Variants in CTNNBL1 observed in about 807,000 individuals in gnomAD.
The protein encoded by CTNNBL1 is beta-catenin-like protein 1.
In CTNNBL1, 31 loss-of-function variants were observed where a neutral mutation model predicts 72.7. The observed-to-expected ratio is 0.43, with a 90% CI of 0.32 to 0.58. The LOEUF (loss-of-function observed/expected upper bound fraction) is 0.58, where lower values mean the gene tolerates loss of function less well. CTNNBL1 is among the 20% of genes least tolerant of loss of function. The pLI, the probability that CTNNBL1 is intolerant of heterozygous loss-of-function variation, is 0.08. For missense variants in CTNNBL1, 534 were observed against 725.1 expected (o/e 0.74, Z 3.03); for synonymous variants, 240 against 267.3 (o/e 0.90, Z 1.00).
chr20:37,859,773 T>G, intron 13 of CTNNBL1, 126 bp from the exon 14 acceptor site: 3 of 868,310 alleles, frequency 3.5e-6, no homozygotes, highest in Non-Finnish European at 3.5e-6. Context: ...ATCAAAAAGA[T>G]GAGGTGATTT....
intron 5 of CTNNBL1, among the ~76,000 whole-genome samples, chr20:37,760,845 G>A (rs916714934): frequency 6.6e-6 from 1 of 152,324 alleles, no homozygotes; most frequent in East Asian, 1.9e-4. Flanking sequence ...CTACCACACA[G>A]TGAGATGTCT....
At chr20:37,762,663 G>C (rs1271869172) in intron 5 of CTNNBL1, among the ~76,000 whole-genome samples, 1 of 152,144 alleles carries the variant, frequency 6.6e-6, no homozygotes, top group Non-Finnish European at 1.5e-5. Flanking sequence ...TAGACCCAAG[G>C]GGTTAGAGGG....
chr20:37,832,422 A>C (rs1348007332), intron 11 of CTNNBL1: 1 of 152,184 alleles, frequency 6.6e-6, no homozygotes. Context: ...TTGAGTGCCT[A>C]CTATACACAT....
chr20:37,863,429 G>A (rs554318626), intron 15 of CTNNBL1, among the ~76,000 whole-genome samples: 3 of 152,324 alleles, frequency 2.0e-5, no homozygotes, highest in South Asian at 4.1e-4. Context: ...CTAAGCACCC[G>A]TCAAGTTGTG....
At chr20:37,702,686 C>T (rs1282586193) in intron 1 of CTNNBL1, among the ~76,000 whole-genome samples, 1 of 152,036 alleles carries the variant, frequency 6.6e-6, no homozygotes, top group Non-Finnish European at 1.5e-5. Context: ...AGTTCACTTC[C>T]TCCCTCTGCG....
chr20:37,867,470 T>C (rs1176370977), intron 15 of CTNNBL1, among the ~76,000 whole-genome samples: 1 of 152,122 alleles, frequency 6.6e-6, no homozygotes, highest in African/African-American at 2.4e-5. Flanking sequence ...ATAGTAAACC[T>C]GCTGTCTAAA....
chr20:37,713,103 C>T (rs536757356), intron 1 of CTNNBL1, among the ~76,000 whole-genome samples: 34 of 152,312 alleles, frequency 2.2e-4, no homozygotes, highest in East Asian at 1.9e-4. Flanking sequence ...GACAGAAATT[C>T]GTAAGCTTCA....
At chr20:37,708,788 T>G (rs1467147271) in intron 1 of CTNNBL1, among the ~76,000 whole-genome samples, 2 of 152,194 alleles carry the variant, frequency 1.3e-5, no homozygotes, top group African/African-American at 4.8e-5. Context: ...GTGCACTGGC[T>G]CTTTGTACTT....
intron 3 of CTNNBL1, among the ~76,000 whole-genome samples, chr20:37,744,991 CAT>C (rs1340217084): frequency 6.6e-6 from 1 of 152,086 alleles, no homozygotes; most frequent in African/African-American, 2.4e-5. Flanking sequence ...AAGGCTTAAA[CAT>C]AAAGAGTATT....
At chr20:37,779,144 A>G in intron 9 of CTNNBL1, 43 bp from the exon 10 acceptor site, 4 of 1,603,588 alleles carry the variant, frequency 2.5e-6, no homozygotes, top group Non-Finnish European at 3.4e-6. Context: ...ATGAAAAGAC[A>G]TTCTCTTATA....
At chr20:37,717,338 C>T (rs1407238573) in intron 1 of CTNNBL1, among the ~76,000 whole-genome samples, 2 of 152,234 alleles carry the variant, frequency 1.3e-5, no homozygotes, top group African/African-American at 2.4e-5. Flanking sequence ...TGTCTTGTAA[C>T]GTGCAGAACC....
intron 2 of CTNNBL1, 131 bp downstream of exon 2, chr20:37,733,198 C>T (rs879185614): frequency 1.6e-5 from 12 of 770,458 alleles, no homozygotes; most frequent in Admixed American, 8.3e-5. Flanking sequence ...TATTTCATCG[C>T]GTTAATGTGA....
At chr20:37,731,465 C>T (rs2073127951) in intron 1 of CTNNBL1, among the ~76,000 whole-genome samples, 1 of 152,098 alleles carries the variant, frequency 6.6e-6, no homozygotes, top group Admixed American at 6.6e-5. Flanking sequence ...GAACTCCTGA[C>T]CTCAGGTGAT....
Position 37,757,550 on chromosome 20 carries a change from A to G in CTNNBL1, c.467-9A>G. 1.2e-6 allele frequency: 2 copies of G among 1,607,108 alleles called. No individual in the cohort carries two copies. Among genetic ancestry groups the G allele is most frequent in the Non-Finnish European group, 1.7e-6 (2 of 1,173,894 alleles). On this transcript the variant is annotated splice_polypyrimidine_tract_variant and intron_variant, in intron 4 of 15. Coordinates refer to ENST00000361383, the MANE Select transcript of CTNNBL1 (RefSeq NM_030877.5). ...TCAGTATGTGTGTTATACCCTTAAC[A>G]TTTTTCACATGTGTCCATAGCTGTG...
intron 6 of CTNNBL1, among the ~76,000 whole-genome samples, chr20:37,766,428 T>C (rs1460076774): frequency 6.6e-6 from 1 of 152,076 alleles, no homozygotes; most frequent in Non-Finnish European, 1.5e-5. Flanking sequence ...CTAGGGTAGA[T>C]TATGGTGAAG....
intron 11 of CTNNBL1, among the ~76,000 whole-genome samples, chr20:37,830,198 A>T (rs576273140): frequency 5.9e-5 from 9 of 152,166 alleles, no homozygotes; most frequent in African/African-American, 2.2e-4. Flanking sequence ...AAGGTATACC[A>T]CTTTTTGTTT....
At chr20:37,765,149 G>T in intron 5 of CTNNBL1, 48 bp from the exon 6 acceptor site, 1 of 1,306,774 alleles carries the variant, frequency 7.7e-7, no homozygotes, top group Non-Finnish European at 1.1e-6. Context: ...ACATTTTGGG[G>T]ACCATTTTAT....
At chr20:37,815,746 C>T (rs1428154180) in intron 11 of CTNNBL1, among the ~76,000 whole-genome samples, 1 of 152,124 alleles carries the variant, frequency 6.6e-6, no homozygotes, top group Non-Finnish European at 1.5e-5. Flanking sequence ...GTGAAGATGC[C>T]TTTCAAATGG....
Position 37,795,299 on chromosome 20 carries a change from C to A in CTNNBL1, c.1032-7568C>A, listed in dbSNP as rs960367721. ...GTAGCTGGGACTACACAGGCATGCA[C>A]CACTGTGCCCAGCTAATTTAAAAAA... On this transcript the variant is annotated intron_variant, in intron 10 of 15. Transcript: ENST00000361383. Among the ~76,000 whole-genome samples the A allele has an allele frequency of 3.9e-5, 6 of 152,078 alleles. No individual in the cohort carries two copies. The East Asian group carries it at 1.2e-3, about 29-fold the overall frequency.
Sources: gnomAD v4.1 joint callset for allele counts (sites outside exome capture counted in the v4.1 genomes callset) on GRCh38, gnomAD v4.1.1 for gene constraint, MANE v1.5 for transcripts, NCBI Gene and HGNC (gene_info 2026-07-23, HGNC 2026-07-21) for gene names.